The following SCN9A variants were observed in gnomAD, a reference collection of about 807,000 sequenced individuals.
The protein encoded by SCN9A is sodium channel protein type 9 subunit alpha.
In SCN9A, 131 loss-of-function variants were observed where a neutral mutation model predicts 187.0. That is an observed-to-expected ratio of 0.70 (90% confidence interval 0.61 to 0.81). The LOEUF is 0.81. SCN9A is among the 30% of genes least tolerant of loss of function. The pLI, the probability that SCN9A is intolerant of heterozygous loss-of-function variation, is 0.00. For synonymous variants in SCN9A, 809 were observed against 808.6 expected (o/e 1.00, Z -0.01); for missense variants, 2,252 against 2,396.6 (o/e 0.94, Z 1.26).
At chr2:166,307,735 A>T (rs564769026) in intron 2 of SCN9A, among the ~76,000 whole-genome samples, 4 of 152,330 alleles carry the variant, frequency 2.6e-5, no homozygotes, top group African/African-American at 9.6e-5. Flanking sequence ...CATTCTTGAA[A>T]TGTTATTGTA....
intron 7 of SCN9A, 111 bp from the exon 8 acceptor site, chr2:166,294,773 C>A (rs965141625): frequency 6.8e-6 from 4 of 588,850 alleles, no homozygotes; most frequent in African/African-American, 1.9e-5. Context: ...CAGGCCTGGT[C>A]CCAGGCAATA....
chr2:166,298,743 T>C (rs113227181), intron 7 of SCN9A: 1 of 152,206 alleles, frequency 6.6e-6, no homozygotes, highest in African/African-American at 2.4e-5. Context: ...AGAACCACAG[T>C]CTACACATAA....
chr2:166,278,588 A>G (rs1291622995), intron 14 of SCN9A, among the ~76,000 whole-genome samples: 2 of 152,232 alleles, frequency 1.3e-5, no homozygotes, highest in Admixed American at 6.5e-5. Flanking sequence ...ATTTCAGAAG[A>G]GTAAAACATT....
intron 7 of SCN9A, chr2:166,301,903 C>T (rs1287038591): frequency 6.6e-6 from 1 of 150,778 alleles, no homozygotes; most frequent in East Asian, 1.9e-4. Flanking sequence ...ATATGCTAAA[C>T]ATTTTACTTC....
At chr2:166,278,460 C>G (rs1038654328) in intron 14 of SCN9A, 147 bp from the exon 15 acceptor site, 1 of 681,488 alleles carries the variant, frequency 1.5e-6, no homozygotes, top group Non-Finnish European at 2.3e-6. Flanking sequence ...TAACTTAGTC[C>G]TGTAAATTAG....
At chr2:166,342,204 G>A (rs1699803174) in intron 1 of SCN9A, among the ~76,000 whole-genome samples, 1 of 152,088 alleles carries the variant, frequency 6.6e-6, no homozygotes, top group South Asian at 2.1e-4. Context: ...ATAATATATT[G>A]CATTTACTTT....
chr2:166,355,507 T>TTGTG (rs1037034820), intron 1 of SCN9A, among the ~76,000 whole-genome samples: 4 of 151,184 alleles, frequency 2.6e-5, no homozygotes, highest in Admixed American at 6.6e-5. Flanking sequence ...TGCCAAGGGA[T>TTGTG]TGTGTGTGTG....
intron 1 of SCN9A, among the ~76,000 whole-genome samples, chr2:166,373,780 C>G (rs1045124568): frequency 2.6e-5 from 4 of 151,992 alleles, no homozygotes; most frequent in African/African-American, 9.7e-5. Context: ...ACTTTAAGCT[C>G]TTTTACAAGA....
chr2:166,248,551 A>T (rs1439289055), intron 18 of SCN9A, among the ~76,000 whole-genome samples: 1 of 152,128 alleles, frequency 6.6e-6, no homozygotes, highest in Non-Finnish European at 1.5e-5. Context: ...TTCCACTCTT[A>T]AGATTGCACA....
chr2:166,365,882 A>G (rs1015233134), intron 1 of SCN9A, among the ~76,000 whole-genome samples: 6 of 152,146 alleles, frequency 3.9e-5, no homozygotes, highest in African/African-American at 1.4e-4. Flanking sequence ...TGTGTTGTTC[A>G]TTGCTATATC....
intron 1 of SCN9A, among the ~76,000 whole-genome samples, chr2:166,362,645 G>T (rs1389379644): frequency 1.3e-5 from 2 of 151,908 alleles, no homozygotes; most frequent in Non-Finnish European, 2.9e-5. Flanking sequence ...CCAGAAGGAA[G>T]TGTTTTGCCT....
chr2:166,352,751 A>C (rs2105301138), intron 1 of SCN9A, among the ~76,000 whole-genome samples: 1 of 152,296 alleles, frequency 6.6e-6, no homozygotes, highest in South Asian at 2.1e-4. Context: ...CGTTAATCAA[A>C]CTGAAAAGTA....
chr2:166,210,016 A>G (rs1694009136), intron 24 of SCN9A, among the ~76,000 whole-genome samples: 1 of 152,164 alleles, frequency 6.6e-6, no homozygotes, highest in African/African-American at 2.4e-5. Context: ...ACGTATGTTT[A>G]TTGCGGCACT....
chr2:166,216,220 G>A (rs1368341382), intron 24 of SCN9A, among the ~76,000 whole-genome samples: 2 of 151,950 alleles, frequency 1.3e-5, no homozygotes, highest in African/African-American at 2.4e-5. Flanking sequence ...AAGCAGATAT[G>A]GAAGGAATGT....
rs903367077 is a variant in SCN9A, at chr2:166,307,015, T to A, written c.318A>T (p.Leu106Phe). Residue 106 changes from leucine to phenylalanine, a missense_variant, in exon 3 of 27, where the codon TTA (leucine) becomes TTT (phenylalanine). Physicochemically the swap from Leu to Phe is conservative, Grantham distance 22 (BLOSUM62 0). Around this residue, in one of 7 missense-constraint regions of SCN9A, gnomAD observed 1,013 missense variants for 997.4 expected, o/e 1.02. Transcript: ENST00000642356. ...TIFRFNATPA[L>F]YMLSPFSPLR... ...GAGGACTGAAAGGAGAAAGCATATA[T>A]AAAGCAGGTGTGGCATTGAAACGGA... The A allele has an allele frequency of 2.5e-6, 4 of 1,612,088 alleles. No individual in the cohort carries two copies. The highest frequency in any genetic ancestry group is 3.4e-6 in the Non-Finnish European group (4 of 1,178,364).
intron 1 of SCN9A, among the ~76,000 whole-genome samples, chr2:166,361,802 G>T (rs542325703): frequency 3.2e-4 from 49 of 152,044 alleles, no homozygotes; most frequent in Middle Eastern, 6.8e-3. Context: ...AAGGAACATT[G>T]TTTTTTTAAA....
rs952647490 is a variant in SCN9A, at chr2:166,368,206, C to T, written c.-51+7491G>A. ...CAAATGGTGGTCATGAGGATTTAAA[C>T]GGAGCATATGAAAATCCCTTAACAA... On this transcript the variant is annotated intron_variant, in intron 1 of 26. Coordinates refer to ENST00000642356, the MANE Select transcript of SCN9A (RefSeq NM_001365536.1). Among the ~76,000 whole-genome samples, 4 of 152,274 alleles carry T rather than the reference C, an allele frequency of 2.6e-5. No individual in the cohort carries two copies. In the South Asian group the frequency reaches 6.2e-4, roughly 24 times the overall value.
intron 11 of SCN9A, among the ~76,000 whole-genome samples, chr2:166,285,378 A>G (rs1697692566): frequency 6.6e-6 from 1 of 152,226 alleles, no homozygotes; most frequent in Non-Finnish European, 1.5e-5. Context: ...ATTCATGCTT[A>G]TATGACTCAT....
At chr2:166,375,311 C>A (rs983031896) in intron 1 of SCN9A, among the ~76,000 whole-genome samples, 1 of 152,076 alleles carries the variant, frequency 6.6e-6, no homozygotes, top group Non-Finnish European at 1.5e-5. Flanking sequence ...GCTTTTTGCT[C>A]GTAAAAAATG....
Sources: allele counts gnomAD v4.1 joint callset (sites outside exome capture counted in the v4.1 genomes callset), GRCh38; gene constraint gnomAD v4.1.1; regional missense constraint gnomAD v4.1.1; transcripts MANE v1.5; gene names NCBI Gene and HGNC (gene_info 2026-07-23, HGNC 2026-07-21).